ELP3: variants seen among roughly 807,000 people sequenced by gnomAD.
ELP3 encodes elongator acetyltransferase complex subunit 3.
In ELP3, 56 loss-of-function variants were observed where a neutral mutation model predicts 74.9. The ratio of observed to expected loss-of-function variants is 0.75; its 90% CI spans 0.60 to 0.93. ELP3 has a LOEUF of 0.93. Among genes scored for constraint, ELP3 ranks in the 40% least tolerant of loss-of-function variants. ELP3 has a pLI of 0.00. For synonymous variants in ELP3, 222 were observed against 239.8 expected, an observed-to-expected ratio of 0.93 and a Z score of 0.68; for missense variants, 573 against 686.5, an observed-to-expected ratio of 0.83 and a Z score of 1.85.
intron 6 of ELP3, among the ~76,000 whole-genome samples, chr8:28,111,420 TA>T (rs1486644363): frequency 6.6e-6 from 1 of 152,226 alleles, no homozygotes; most frequent in Non-Finnish European, 1.5e-5. Flanking sequence ...GTTGTAATAG[TA>T]ATGTATAGTA....
intron 10 of ELP3, among the ~76,000 whole-genome samples, chr8:28,141,031 A>G (rs1260782123): frequency 6.6e-6 from 1 of 152,236 alleles, no homozygotes; most frequent in Non-Finnish European, 1.5e-5. Flanking sequence ...CTCAGTATAC[A>G]GTGTAAGTGT....
intron 14 of ELP3, 126 bp from the exon 15 acceptor site, chr8:28,189,523 T>C: frequency 1.3e-6 from 1 of 774,886 alleles, no homozygotes; most frequent in Non-Finnish European, 2.2e-6. Context: ...CTTATTAAGC[T>C]GAGATTTTAT....
intron 7 of ELP3, among the ~76,000 whole-genome samples, chr8:28,125,338 G>A (rs1158801247): frequency 6.6e-6 from 1 of 152,218 alleles, no homozygotes; most frequent in South Asian, 2.1e-4. Flanking sequence ...GTTGCAGCAT[G>A]TCCACACAGG....
rs1236172910 is a variant in ELP3, at chr8:28,137,730, T to C, written c.939T>C (p.Asp313=). ...TTGAGAACCCTGCTTTTCGTCCCGA[T>C]GGGCTGAAACTCTATCCTACCCTGG... ...EFFENPAFRP[D]GLKLYPTLVI... is the part of the protein sequence containing the mutation. Residue 313 remains aspartate (D), a synonymous_variant, in exon 10 of 15, where the codon GAT becomes GAC. Coordinates refer to ENST00000256398, the MANE Select transcript of ELP3 (RefSeq NM_018091.6). 4 of 1,612,976 alleles carry C rather than the reference T, an allele frequency of 2.5e-6. No individual in the cohort carries two copies. The Admixed American group carries it at 5.0e-5, about 20-fold the overall frequency.
chr8:28,104,468 C>T (rs865851403), intron 3 of ELP3, among the ~76,000 whole-genome samples: 2 of 152,192 alleles, frequency 1.3e-5, no homozygotes, highest in African/African-American at 4.8e-5. Flanking sequence ...TTTCACCAGC[C>T]GTTTCAATAA....
chr8:28,169,576 G>A (rs1470170182), intron 14 of ELP3, among the ~76,000 whole-genome samples: 2 of 152,168 alleles, frequency 1.3e-5, no homozygotes, highest in East Asian at 3.8e-4. Flanking sequence ...TAAGAGGGAG[G>A]AGCAAAGGCC....
chr8:28,097,411 T>A, intron 2 of ELP3, 93 bp downstream of exon 2: 1 of 802,376 alleles, frequency 1.2e-6, no homozygotes, highest in Non-Finnish European at 2.0e-6. Flanking sequence ...AGCTCAAGTT[T>A]TATTTTAGTT....
chr8:28,174,632 A>G (rs548823743), intron 14 of ELP3, among the ~76,000 whole-genome samples: 1 of 152,264 alleles, frequency 6.6e-6, no homozygotes, highest in South Asian at 2.1e-4. Flanking sequence ...TTATTGTTTA[A>G]TGAATTTGCC....
At chr8:28,179,761 C>T (rs1366590248) in intron 14 of ELP3, among the ~76,000 whole-genome samples, 2 of 152,132 alleles carry the variant, frequency 1.3e-5, no homozygotes, top group African/African-American at 4.8e-5. Flanking sequence ...AGGATTTGTG[C>T]TCCTTTGAGA....
chr8:28,133,426 T>TC (rs1366737238), intron 9 of ELP3, among the ~76,000 whole-genome samples: 1 of 110,508 alleles, frequency 9.0e-6, no homozygotes, highest in Middle Eastern at 3.8e-3. Context: ...ATCTTTTTTT[T>TC]CCTTTTTTTT....
intron 10 of ELP3, among the ~76,000 whole-genome samples, chr8:28,145,770 C>A (rs1048058435): frequency 1.3e-5 from 2 of 152,176 alleles, no homozygotes; most frequent in African/African-American, 4.8e-5. Flanking sequence ...ATTACAGGCT[C>A]CCATCACCGC....
intron 14 of ELP3, among the ~76,000 whole-genome samples, chr8:28,165,583 A>C (rs1438613484): frequency 6.6e-6 from 1 of 152,230 alleles, no homozygotes; most frequent in African/African-American, 2.4e-5. Context: ...AGCTTGAGTA[A>C]GGGAAAGATA....
intron 10 of ELP3, among the ~76,000 whole-genome samples, chr8:28,149,024 T>C (rs1813540804): frequency 6.6e-6 from 1 of 152,170 alleles, no homozygotes; most frequent in Admixed American, 6.5e-5. Context: ...ATTCCTTCCA[T>C]CATATGAGAC....
At chr8:28,099,702 A>T (rs1811395084) in intron 2 of ELP3, 126 bp from the exon 3 acceptor site, 5 of 1,065,150 alleles carry the variant, frequency 4.7e-6, no homozygotes, top group African/African-American at 1.6e-5. Context: ...TCTTAAAACT[A>T]TCCTTGTCAC....
intron 14 of ELP3, among the ~76,000 whole-genome samples, chr8:28,180,629 A>C (rs893911558): frequency 6.6e-6 from 1 of 152,218 alleles, no homozygotes; most frequent in Non-Finnish European, 1.5e-5. Context: ...TGAGCATTTT[A>C]TATGAGAATT....
intron 10 of ELP3, among the ~76,000 whole-genome samples, chr8:28,151,565 C>G (rs1456947842): frequency 6.6e-6 from 1 of 152,162 alleles, no homozygotes; most frequent in East Asian, 1.9e-4. Context: ...TTATAGTAAC[C>G]CGATGGTAAG....
At chr8:28,184,566 G>A (rs1815157721) in intron 14 of ELP3, among the ~76,000 whole-genome samples, 1 of 152,134 alleles carries the variant, frequency 6.6e-6, no homozygotes, top group African/African-American at 2.4e-5. Context: ...AGAAATCAGG[G>A]CACTCTTGAT....
intron 1 of ELP3, 174 bp downstream of exon 1, chr8:28,093,407 T>C: frequency 1.1e-6 from 1 of 902,012 alleles, no homozygotes; most frequent in African/African-American, 1.7e-5. Flanking sequence ...TTTTCCTGTT[T>C]TGCTTTTTGA....
At chr8:28,173,591 T>TAA (rs1365438959) in intron 14 of ELP3, among the ~76,000 whole-genome samples, 1 of 151,842 alleles carries the variant, frequency 6.6e-6, no homozygotes, top group East Asian at 1.9e-4. Flanking sequence ...TCTAATCTAT[T>TAA]ATTTTCTTCC....
Sources: gnomAD v4.1 joint callset for allele counts (sites outside exome capture counted in the v4.1 genomes callset) on GRCh38, gnomAD v4.1.1 for gene constraint, MANE v1.5 for transcripts, NCBI Gene and HGNC (gene_info 2026-07-23, HGNC 2026-07-21) for gene names.